TMEM236: variants seen among roughly 807,000 people sequenced by gnomAD.
The protein encoded by TMEM236 is transmembrane protein 236.
A neutral mutation model predicts 14.7 loss-of-function variants in TMEM236; 11 were observed. The ratio of observed to expected loss-of-function variants is 0.75; its 90% CI spans 0.47 to 1.24. TMEM236 has a LOEUF of 1.24. Ranked by LOEUF, TMEM236 falls within the 50% of genes most tolerant of loss-of-function variation. The probability of loss-of-function intolerance (pLI) is 0.00; values close to 1 mark genes in which losing one functional copy is unlikely to be tolerated. For synonymous variants in TMEM236, 182 were observed against 168.6 expected, an observed-to-expected ratio of 1.08 and a Z score of -0.62; for missense variants, 464 against 427.3, an observed-to-expected ratio of 1.09 and a Z score of -0.76.
chr10:17,760,103 G>C (rs1196425601), intron 1 of TMEM236, among the ~76,000 whole-genome samples: 1 of 151,716 alleles, frequency 6.6e-6, no homozygotes, highest in Non-Finnish European at 1.5e-5. Flanking sequence ...TGCACTGCTG[G>C]ACACACGGGC....
In TMEM236 at chr10:17,752,493, G is replaced by T. The variant is rs902302976; in HGVS notation, c.198G>T (p.Trp66Cys). The stretch of plus-strand genomic sequence containing the variant: ...TTGCGTTAGTGACTCTACTGATCTG[G>T]GTTCCTGTAAAAGTTATCCTGCACA... Reference protein sequence around the residue: ...AYVALVTLLIWVPVKVILHKK... With the variant: ...AYVALVTLLICVPVKVILHKK... Residue 66 changes from tryptophan to cysteine, a missense_variant, in exon 1 of 4, where the codon TGG becomes TGT. Physicochemically the swap from Trp to Cys is radical, Grantham distance 215. Coordinates refer to ENST00000377495, the MANE Select transcript of TMEM236 (RefSeq NM_001098844.3). 5.1e-3 allele frequency: 8,189 copies of T among 1,613,852 alleles called. 31 individuals carry two copies. The highest frequency in any genetic ancestry group is 6.3e-3 in the Non-Finnish European group (7,450 of 1,179,838).
Position 17,797,044 on chromosome 10 carries a change from T to C in TMEM236, c.*540T>C, listed in dbSNP as rs2436695. 0.76 allele frequency: 120,235 copies of C among 158,166 alleles called. 46,396 individuals are homozygous for C. The highest frequency in any genetic ancestry group is 0.9 in the African/African-American group (37,346 of 41,522). The allele number at this position is 158,166 out of a possible 1,614,324, so 9.8% of individuals were successfully genotyped here. On this transcript the variant is annotated 3_prime_UTR_variant, in exon 4 of 4. Transcript: ENST00000377495. ...CAGAACCCAACCCCACCCCCAACCC[T>C]GGCTGTGGAAAAATTGTCTTCCACA...
intron 2 of TMEM236, among the ~76,000 whole-genome samples, chr10:17,773,751 C>A (rs1837612858): frequency 6.6e-6 from 1 of 152,080 alleles, no homozygotes. Context: ...TCATCTTGCC[C>A]ATTTTTTATT....
chr10:17,776,110 C>T lies in TMEM236; in HGVS notation c.412C>T (p.Leu138=). 6.2e-7 allele frequency: 1 copy of T among 1,613,762 alleles called. No homozygotes were observed. Among genetic ancestry groups the T allele is most frequent in the Non-Finnish European group, 8.5e-7 (1 of 1,179,738 alleles). ...DLPVSLVLLS[L]IMVDIIEKLR... ...GCCCGTATCTCTGGTTCTGTTATCC[C>T]TGATCATGGTTGATATTATTGAAAA... is the stretch of plus-strand genomic sequence containing the variant. Residue 138 remains leucine, a synonymous_variant, in exon 3 of 4, where the codon CTG becomes TTG. Transcript: ENST00000377495.
intron 2 of TMEM236, among the ~76,000 whole-genome samples, 185 bp from the exon 3 acceptor site, chr10:17,775,844 T>C (rs1394858439): frequency 2.0e-5 from 3 of 152,200 alleles, no homozygotes; most frequent in South Asian, 2.1e-4. Flanking sequence ...TATGAGTCCT[T>C]ATGACAGCTT....
intron 1 of TMEM236, among the ~76,000 whole-genome samples, chr10:17,767,914 T>C (rs946824499): frequency 4.1e-4 from 18 of 43,660 alleles, no homozygotes; most frequent in Non-Finnish European, 6.7e-4. Context: ...ACTCCCCATC[T>C]TTTTTTTTTT....
intron 3 of TMEM236, among the ~76,000 whole-genome samples, chr10:17,789,917 G>C (rs1028064103): frequency 2.6e-4 from 40 of 152,170 alleles, no homozygotes; most frequent in African/African-American, 9.6e-4. Context: ...CCAGCTACTC[G>C]GGAGGCTGAG....
intron 1 of TMEM236, among the ~76,000 whole-genome samples, chr10:17,756,166 T>G (rs953157554): frequency 6.6e-6 from 1 of 152,138 alleles, no homozygotes; most frequent in Non-Finnish European, 1.5e-5. Context: ...ATTCAAGAGG[T>G]TGGCTTGAGC....
rs1838011843 is a variant in TMEM236, at chr10:17,796,206, G to A, written c.758G>A (p.Arg253His). ...LLWSDTIEMV[R>H]VAGHPNVYKS... ...TGGTCTGACACGATAGAAATGGTGC[G>A]TGTGGCTGGTCACCCCAACGTGTAC... The change falls in exon 4 of 4, where the codon CGT (arginine) becomes CAT (histidine). Residue 253 changes from arginine to histidine, a missense_variant. Transcript: ENST00000377495. 1.2e-6 allele frequency: 2 copies of A among 1,613,964 alleles called. No individual in the cohort carries two copies. Among genetic ancestry groups the A allele is most frequent in the Non-Finnish European group, 1.7e-6 (2 of 1,179,878 alleles).
intron 1 of TMEM236, among the ~76,000 whole-genome samples, chr10:17,753,583 C>T (rs1837240486): frequency 6.6e-6 from 1 of 152,194 alleles, no homozygotes; most frequent in African/African-American, 2.4e-5. Flanking sequence ...TGATCTTGTT[C>T]TTTTTCATGA....
At position 17,796,442 on chromosome 10, in the gene TMEM236, A is replaced by C; in HGVS notation, c.994A>C (p.Ile332Leu). 1 of 1,613,506 alleles carries C rather than the reference A, an allele frequency of 6.2e-7. No individual in the cohort carries two copies. The highest frequency in any genetic ancestry group is 8.5e-7 in the Non-Finnish European group (1 of 1,179,808). Residue 332 changes from isoleucine (I) to leucine (L), a missense_variant, in exon 4 of 4, where the codon ATT becomes CTT. Physicochemically the swap from Ile to Leu is conservative, Grantham distance 5. Transcript: ENST00000377495. ...CKNILVTLSY[I>L]YFNYLTRIRI... ...AAATATCCTCGTGACTCTCTCTTACATTTACTTCAATTACCTAACCAGAAT... is the reference window on the plus strand; with the variant it reads ...AAATATCCTCGTGACTCTCTCTTACCTTTACTTCAATTACCTAACCAGAAT...
At position 17,799,704 on chromosome 10, in the gene TMEM236, T is replaced by G. The variant is rs1314924487; in HGVS notation, c.*3200T>G. On this transcript the variant is annotated 3_prime_UTR_variant, in exon 4 of 4. Transcript: ENST00000377495. ...ATGATATTCCTAAATATGAAAATAT[T>G]TTGTGTAAGTATATATTTATCTCCA... is the stretch of plus-strand genomic sequence containing the variant. The G allele has an allele frequency of 6.6e-6, 1 of 152,626 alleles. No homozygotes were observed. The highest frequency in any genetic ancestry group is 1.5e-5 in the Non-Finnish European group (1 of 68,052). 9.5% of individuals were successfully genotyped at this position (152,626 alleles called of 1,614,324 possible).
chr10:17,774,804 C>CTCTCTCTCTCTCTCTCTCTT (rs1837633159), intron 2 of TMEM236, among the ~76,000 whole-genome samples: 1 of 150,112 alleles, frequency 6.7e-6, no homozygotes, highest in Non-Finnish European at 1.5e-5. Context: ...TCCTTTCTCT[C>CTCTCTCTCTCTCTCTCTCTT]TCTCTCTCTC....
chr10:17,760,850 C>G (rs3858191), intron 1 of TMEM236, among the ~76,000 whole-genome samples: 91,585 of 151,970 alleles, frequency 0.6, 28,205 homozygotes, highest in East Asian at 0.98. Context: ...ATAAAACCAT[C>G]AGATCCGTGA....
intron 3 of TMEM236, among the ~76,000 whole-genome samples, chr10:17,791,117 A>G (rs1009711618): frequency 2.2e-4 from 33 of 152,164 alleles, no homozygotes; most frequent in African/African-American, 7.7e-4. Context: ...GAAATAGTGC[A>G]TAATCTCTCT....
intron 1 of TMEM236, among the ~76,000 whole-genome samples, chr10:17,767,028 C>A (rs1315705303): frequency 6.6e-6 from 1 of 152,144 alleles, no homozygotes; most frequent in African/African-American, 2.4e-5. Context: ...GATTAGGACC[C>A]ACCTTAATGA....
At chr10:17,794,760 A>G (rs931003825) in intron 3 of TMEM236, among the ~76,000 whole-genome samples, 3 of 152,176 alleles carry the variant, frequency 2.0e-5, no homozygotes, top group Middle Eastern at 3.2e-3. Context: ...CTTCTAGGCC[A>G]GGCACTGTGG....
intron 3 of TMEM236, among the ~76,000 whole-genome samples, chr10:17,784,624 G>A (rs1410122496): frequency 1.3e-5 from 2 of 152,268 alleles, no homozygotes; most frequent in East Asian, 3.9e-4. Context: ...ATAATTTTTG[G>A]AGTGAGGCCC....
At chr10:17,771,409 C>T in intron 2 of TMEM236, 28 bp downstream of exon 2, 1 of 1,596,590 alleles carries the variant, frequency 6.3e-7, no homozygotes, top group Non-Finnish European at 8.6e-7. Context: ...TCTTCTGCTA[C>T]AAGATTATGA....
Sources: gnomAD v4.1 joint callset for allele counts (sites outside exome capture counted in the v4.1 genomes callset) on GRCh38, gnomAD v4.1.1 for gene constraint, MANE v1.5 for transcripts, NCBI Gene and HGNC (gene_info 2026-07-23, HGNC 2026-07-21) for gene names.